The following MAP7 variants were observed in gnomAD, a reference collection of about 807,000 sequenced individuals.
MAP7 encodes microtubule associated protein 7.
Under a neutral mutation model 94.8 loss-of-function variants are expected in MAP7, and 52 were observed. That is an observed-to-expected ratio of 0.55 (90% CI 0.44 to 0.69). The LOEUF is 0.69. MAP7 is among the 30% of genes least tolerant of loss of function. The pLI is 0.00. For synonymous variants in MAP7, 350 were observed against 357.0 expected (o/e 0.98, Z 0.22); for missense variants, 940 against 964.6 (o/e 0.97, Z 0.34).
At chr6:136,394,968 A>ATATATATCTATC (rs1477760854) in intron 3 of MAP7, among the ~76,000 whole-genome samples, 1 of 130,596 alleles carries the variant, frequency 7.7e-6, no homozygotes, top group African/African-American at 2.9e-5. Context: ...ATATATATAT[A>ATATATATCTATC]TATCACATTT....
At chr6:136,366,567 C>A (rs1794383190) in intron 8 of MAP7, 128 bp from the exon 9 acceptor site, 2 of 648,972 alleles carry the variant, frequency 3.1e-6, no homozygotes, top group South Asian at 1.8e-5. Flanking sequence ...GTCACATATA[C>A]CCATTCCATC....
chr6:136,472,613 G>A (rs1450433825), intron 1 of MAP7, among the ~76,000 whole-genome samples: 1 of 152,060 alleles, frequency 6.6e-6, no homozygotes, highest in Non-Finnish European at 1.5e-5. Flanking sequence ...TCTCCTCAGT[G>A]AGTAGCAGCC....
At chr6:136,413,509 G>A (rs771057268) in intron 2 of MAP7, among the ~76,000 whole-genome samples, 2 of 150,250 alleles carry the variant, frequency 1.3e-5, no homozygotes, top group Non-Finnish European at 2.9e-5. Flanking sequence ...GGGAGACAGA[G>A]CGAGACACCG....
At chr6:136,388,624 T>A in intron 4 of MAP7, 114 bp from the exon 5 acceptor site, 1 of 800,496 alleles carries the variant, frequency 1.2e-6, no homozygotes, top group Non-Finnish European at 2.1e-6. Context: ...CTACTATTCT[T>A]GATCTCTAGC....
intron 1 of MAP7, among the ~76,000 whole-genome samples, chr6:136,504,817 T>C (rs971867869): frequency 1.3e-5 from 2 of 152,192 alleles, no homozygotes; most frequent in African/African-American, 4.8e-5. Context: ...GGAGCTGGGA[T>C]TACAGGCATG....
At chr6:136,377,669 T>G in intron 7 of MAP7, 86 bp downstream of exon 7, 1 of 1,005,780 alleles carries the variant, frequency 9.9e-7, no homozygotes, top group Non-Finnish European at 1.6e-6. Flanking sequence ...AAGCGCATTT[T>G]AGGAAAAAGT....
intron 1 of MAP7, among the ~76,000 whole-genome samples, chr6:136,430,560 C>T (rs894987015): frequency 6.6e-6 from 1 of 152,108 alleles, no homozygotes; most frequent in Non-Finnish European, 1.5e-5. Context: ...ATCATCTCTC[C>T]TCTGTAGAAA....
At chr6:136,418,038 C>A (rs548385499) in intron 2 of MAP7, among the ~76,000 whole-genome samples, 1 of 152,308 alleles carries the variant, frequency 6.6e-6, no homozygotes, top group South Asian at 2.1e-4. Context: ...GAAGAACCAT[C>A]TCCCACTTCT....
chr6:136,539,451 C>T lies in MAP7; in HGVS notation c.67+10891G>A, dbSNP rs1269399379. 2.0e-5 allele frequency among the ~76,000 whole-genome samples: 3 copies of T among 152,142 alleles called. No individual in the cohort carries two copies. The East Asian group carries it at 5.8e-4, about 29-fold the overall frequency. On this transcript the variant is annotated intron_variant, in intron 1 of 17. Coordinates refer to ENST00000354570, the MANE Select transcript of MAP7 (RefSeq NM_003980.6). ...TCACAGCCTCACACATGCTCAGTTT[C>T]CATATAATCTTAAAGAGAAATCAAA...
chr6:136,523,182 C>A (rs1826890088), intron 1 of MAP7, among the ~76,000 whole-genome samples: 1 of 152,204 alleles, frequency 6.6e-6, no homozygotes, highest in African/African-American at 2.4e-5. Flanking sequence ...ATGAAATTGT[C>A]TACACATCCA....
chr6:136,381,458 G>A (rs562095950), intron 6 of MAP7, among the ~76,000 whole-genome samples: 2 of 152,266 alleles, frequency 1.3e-5, no homozygotes, highest in African/African-American at 2.4e-5. Context: ...GGAAATACAG[G>A]TGTGAGCCAC....
At chr6:136,474,247 C>T (rs1265595708) in intron 1 of MAP7, among the ~76,000 whole-genome samples, 2 of 152,146 alleles carry the variant, frequency 1.3e-5, no homozygotes, top group African/African-American at 4.8e-5. Flanking sequence ...CAATGGGAAA[C>T]CTTTGGCAGG....
chr6:136,394,117 G>A (rs1781610644), intron 3 of MAP7, among the ~76,000 whole-genome samples: 1 of 151,690 alleles, frequency 6.6e-6, no homozygotes, highest in Non-Finnish European at 1.5e-5. Context: ...CCGAGTGGCT[G>A]GGACTACAGG....
chr6:136,351,943 A>AC lies in MAP7; in HGVS notation c.2015+4748dup, dbSNP rs1313872567. 3.9e-5 allele frequency among the ~76,000 whole-genome samples: 6 copies of AC among 151,910 alleles called. No individual in the cohort carries two copies. The East Asian group carries it at 1.2e-3, about 29-fold the overall frequency. ...CAGTGGCCAGCAGCCTCCCCCCAGC[A>AC]CCCCCACTGGGGCAGATTCATGGTA... On this transcript the variant is annotated intron_variant, in intron 16 of 17. Transcript: ENST00000354570.
chr6:136,388,752 T>C (rs900523175), intron 4 of MAP7, among the ~76,000 whole-genome samples: 3 of 152,190 alleles, frequency 2.0e-5, no homozygotes, highest in Non-Finnish European at 4.4e-5. Flanking sequence ...CGACCCTTAC[T>C]ACTAGGGTGT....
chr6:136,414,608 ATACTCCTTAAATAATATGAGGTT>A lies in MAP7; in HGVS notation c.167-2934_167-2912del, dbSNP rs534618551. Among the ~76,000 whole-genome samples, 21 of 152,234 alleles carry A rather than the reference ATACTCCTTAAATAATATGAGGTT, an allele frequency of 1.4e-4. No homozygotes were observed. In the East Asian group the frequency reaches 4.1e-3, roughly 29 times the overall value. On this transcript the variant is annotated intron_variant, in intron 2 of 17. Transcript: ENST00000354570. ...CCTTTAACAATTACTTATCACTTTA[ATACTCCTTAAATAATATGAGGTT>A]TACTCACTCATGAAAAACTTTTTTT... is the stretch of plus-strand genomic sequence containing the variant.
chr6:136,509,222 A>C (rs112872729), intron 1 of MAP7, among the ~76,000 whole-genome samples: 58 of 152,330 alleles, frequency 3.8e-4, no homozygotes, highest in African/African-American at 1.3e-3. Context: ...ATTTAGTGAA[A>C]TCCAGTGTCA....
At chr6:136,365,542 T>A (rs1794057218) in intron 10 of MAP7, among the ~76,000 whole-genome samples, 193 bp downstream of exon 10, 2 of 152,238 alleles carry the variant, frequency 1.3e-5, no homozygotes, top group South Asian at 4.1e-4. Context: ...TTACTTAGCG[T>A]TGCTAAGTAA....
chr6:136,455,333 A>T (rs1013694199), intron 1 of MAP7, among the ~76,000 whole-genome samples: 2 of 152,188 alleles, frequency 1.3e-5, no homozygotes, highest in Non-Finnish European at 2.9e-5. Flanking sequence ...ATCTAAATAT[A>T]TAAAGCATAC....
Sources: gnomAD v4.1 joint callset for allele counts (sites outside exome capture counted in the v4.1 genomes callset) on GRCh38, gnomAD v4.1.1 for gene constraint, MANE v1.5 for transcripts, NCBI Gene and HGNC (gene_info 2026-07-23, HGNC 2026-07-21) for gene names.